The following COQ6 variants were observed in gnomAD, a reference collection of about 807,000 sequenced individuals.
COQ6 encodes ubiquinone biosynthesis monooxygenase COQ6, mitochondrial.
In COQ6, 45 loss-of-function variants were observed where a neutral mutation model predicts 55.5. That is an observed-to-expected ratio of 0.81 (90% CI 0.64 to 1.04). COQ6 has a LOEUF of 1.04. COQ6 is among the 50% of genes least tolerant of loss of function. The pLI is 0.00. For synonymous variants in COQ6, 206 were observed against 230.5 expected (o/e 0.89, Z 0.96); for missense variants, 550 against 601.3 (o/e 0.91, Z 0.89).
Position 73,955,950 on chromosome 14 carries a change from T to G in COQ6, c.481+22T>G, listed in dbSNP as rs774488472. On this transcript the variant is annotated intron_variant, in intron 4 of 11. Transcript: ENST00000334571. ...TCTGGTGAGGCCCCCATCTTCCACC[T>G]TGCATTCATTGGGAAGTGAACTGCT... 5.0e-6 allele frequency: 8 copies of G among 1,613,764 alleles called. No individual in the cohort carries two copies. In the Admixed American group the frequency reaches 1.3e-4, roughly 27 times the overall value.
upstream of COQ6, chr14:73,950,275 G>C: frequency 6.5e-7 from 1 of 1,539,588 alleles, no homozygotes; most frequent in Non-Finnish European, 8.7e-7. Flanking sequence ...CTCTGCTCCG[G>C]ACGCACTACG....
In COQ6 at chr14:73,961,371, A is replaced by G. The variant is rs1398064163; in HGVS notation, c.1090A>G (p.Ile364Val). ...AEYVRPRVAL[I>V]GDAAHRVHPL... ...GTACGTCAGGCCTCGGGTGGCGCTC[A>G]TTGGGTAAGACGATAACAGAGCAGG... Residue 364 changes from isoleucine to valine, a missense_variant, in exon 9 of 12, where the codon ATT becomes GTT. By Grantham distance (29) the Ile-to-Val change is conservative. Transcript: ENST00000334571. 3.1e-6 allele frequency: 5 copies of G among 1,614,148 alleles called. No homozygotes were observed. The highest frequency in any genetic ancestry group is 4.2e-6 in the Non-Finnish European group (5 of 1,180,030).
In COQ6 at chr14:73,958,149, C is replaced by G. The variant is rs189840848; in HGVS notation, c.484C>G (p.Arg162Gly). The G allele has an allele frequency of 2.5e-6, 4 of 1,613,796 alleles. No homozygotes were observed. The highest frequency in any genetic ancestry group is 2.7e-5 in the African/African-American group (2 of 75,000). The change falls in exon 5 of 12, where the codon CGA (arginine) becomes GGA (glycine). Residue 162 changes from arginine to glycine, a missense_variant and splice_region_variant. Coordinates refer to ENST00000334571, the MANE Select transcript of COQ6 (RefSeq NM_182476.3). ...LTKQLEAVSD[R>G]VTVLYRSKAI... Reference sequence around the variant, plus strand: ...TTCCTCTCTTTTGACCTCCCCAGACCGAGTGACGGTTCTCTACAGGAGCAA... The same window carrying G: ...TTCCTCTCTTTTGACCTCCCCAGACGGAGTGACGGTTCTCTACAGGAGCAA...
chr14:73,959,779 A>G lies in COQ6; in HGVS notation c.891+257A>G, dbSNP rs2056625234. 1.0e-5 allele frequency: 12 copies of G among 1,196,934 alleles called. No homozygotes were observed. In the South Asian group the frequency reaches 1.8e-4, roughly 18 times the overall value. 74.1% of individuals were successfully genotyped at this position (1,196,934 alleles called of 1,614,324 possible). A position where few individuals can be genotyped will look rare whatever the true frequency, so the allele number is the denominator to read the frequency against. On this transcript the variant is annotated intron_variant, in intron 8 of 11. Coordinates refer to ENST00000334571, the MANE Select transcript of COQ6 (RefSeq NM_182476.3). ...GAGATGAGGTTTCACCATGTTGGCC[A>G]GGCTGGTCTCAAACTCCTGACCTCA...
intron 11 of COQ6, chr14:73,962,730 T>C (rs2140428625): frequency 5.7e-6 from 3 of 528,106 alleles, no homozygotes; most frequent in East Asian, 3.2e-5. Flanking sequence ...GGAGGGAGGA[T>C]TGCTTGAGCC....
Position 73,959,417 on chromosome 14 carries a change from C to G in COQ6, c.786C>G (p.Leu262=), listed in dbSNP as rs1387819431. ...GTATTGGTGTTCTTTTGACACAGCT[C>G]TCAGACACCTTGAGTTCCTTGGTTT... The part of the protein sequence containing the change: ...LPSGPIALLP[L]SDTLSSLVWS... The change falls in exon 8 of 12, where the codon CTC becomes CTG. Residue 262 remains leucine (L), a splice_region_variant and synonymous_variant. Transcript: ENST00000334571. 1 of 1,614,178 alleles carries G rather than the reference C, an allele frequency of 6.2e-7. No homozygotes were observed. Among genetic ancestry groups the G allele is most frequent in the Admixed American group, 1.7e-5 (1 of 60,020 alleles).
intron 3 of COQ6, 115 bp from the exon 4 acceptor site, chr14:73,955,690 G>T (rs909108511): frequency 6.6e-7 from 1 of 1,521,742 alleles, no homozygotes; most frequent in Non-Finnish European, 9.1e-7. Context: ...TTTCCTACCA[G>T]AGAGGCTGAC....
intron 1 of COQ6, among the ~76,000 whole-genome samples, chr14:73,952,000 A>G (rs866545703): frequency 0.012 from 1,774 of 142,950 alleles, 28 homozygotes; most frequent in African/African-American, 0.042. Flanking sequence ...AAAAAAAAAA[A>G]AAGAAGATAG....
chr14:73,957,887 C>T (rs768931479), intron 4 of COQ6: 17 of 442,832 alleles, frequency 3.8e-5, no homozygotes, highest in Admixed American at 3.4e-5. Context: ...AAAATGGAGG[C>T]GCAGAAGCAT....
At chr14:73,950,210 G>A (rs1367850033), upstream of COQ6, 4 of 1,543,548 alleles carry the variant, frequency 2.6e-6, no homozygotes, top group South Asian at 1.2e-5. Context: ...TATTTTCTCC[G>A]CGCATTTTAT....
chr14:73,961,457 A>G lies in COQ6; in HGVS notation c.1097A>G (p.Asp366Gly). ...CCTGAACTCTGCTTTATTCTTAGGG[A>G]TGCAGCCCACAGAGTCCATCCGCTT... ...YVRPRVALIG[D>G]AAHRVHPLAG... Residue 366 changes from aspartate (D) to glycine (G), a missense_variant and splice_region_variant, in exon 10 of 12, where the codon GAT becomes GGT. Transcript: ENST00000334571. 6.2e-7 allele frequency: 1 copy of G among 1,614,142 alleles called. No homozygotes were observed. The highest frequency in any genetic ancestry group is 8.5e-7 in the Non-Finnish European group (1 of 1,180,038).
chr14:73,950,259 G>A (rs1385768590), upstream of COQ6: 1 of 1,538,706 alleles, frequency 6.5e-7, no homozygotes. Flanking sequence ...GGACGGGATT[G>A]GAGTGCTCTG....
At chr14:73,956,576 C>T (rs1379156396) in intron 4 of COQ6, 1 of 152,754 alleles carries the variant, frequency 6.5e-6, no homozygotes, top group African/African-American at 2.4e-5. Flanking sequence ...AGTTGTATCT[C>T]ATTGTAGTAG....
chr14:73,955,309 G>C (rs1165498936), intron 2 of COQ6, 142 bp from the exon 3 acceptor site: 5 of 741,658 alleles, frequency 6.7e-6, no homozygotes, highest in Non-Finnish European at 1.2e-5. Context: ...GAGTAGCTTA[G>C]GTACTAACAT....
At chr14:73,960,281 T>G in intron 8 of COQ6, 2 of 986,124 alleles carry the variant, frequency 2.0e-6, no homozygotes, top group South Asian at 9.4e-5. Flanking sequence ...GAATAAAGAC[T>G]TTCAAAATGA....
Position 73,958,869 on chromosome 14 carries a change from C to T in COQ6, c.613-102C>T. 3 of 1,557,038 alleles carry T rather than the reference C, an allele frequency of 1.9e-6. No homozygotes were observed. In the South Asian group the frequency reaches 3.5e-5, roughly 18 times the overall value. On this transcript the variant is annotated intron_variant, in intron 5 of 11. Transcript: ENST00000334571. ...CAGGCCTGATGGAATTATCCTGCCA[C>T]ACAACAATCAGAGCTGGAGGAAACT...
chr14:73,955,059 C>T (rs913056651), intron 2 of COQ6, among the ~76,000 whole-genome samples: 1 of 148,874 alleles, frequency 6.7e-6, no homozygotes, highest in East Asian at 2.1e-4. Context: ...TCAGGCCATT[C>T]TCCTGCCTCA....
chr14:73,959,439 GT>G lies in COQ6; in HGVS notation c.811del (p.Trp271GlyfsTer11). The G allele has an allele frequency of 6.2e-7, 1 of 1,614,194 alleles. No individual in the cohort carries two copies. Among genetic ancestry groups the G allele is most frequent in the Non-Finnish European group, 8.5e-7 (1 of 1,180,028 alleles). The part of the protein sequence containing the change: ...LPLSDTLSSL[V>X]WSTSHEHAAE... The stretch of plus-strand genomic sequence containing the variant: ...GCTCTCAGACACCTTGAGTTCCTTG[GT>G]TTGGTCCACGTCCCATGAACATGCA... On this transcript the variant is annotated frameshift_variant, in exon 8 of 12. Coordinates refer to ENST00000334571, the MANE Select transcript of COQ6 (RefSeq NM_182476.3). LOFTEE classifies it high-confidence loss of function.
chr14:73,959,010 G>A lies in COQ6; in HGVS notation c.652G>A (p.Val218Ile). 5 of 1,614,176 alleles carry A rather than the reference G, an allele frequency of 3.1e-6. No individual in the cohort carries two copies. Among genetic ancestry groups the A allele is most frequent in the Non-Finnish European group, 4.2e-6 (5 of 1,180,028 alleles). Residue 218 changes from valine to isoleucine, a missense_variant, in exon 6 of 12, where the codon GTT (valine) becomes ATT (isoleucine). Transcript: ENST00000334571. ...DGHNSGVRQAVGIQNVSWNYD... is the reference protein window; with the variant it reads ...DGHNSGVRQAIGIQNVSWNYD... ...TCACAACTCCGGAGTACGGCAGGCT[G>A]TTGGAATCCAGAATGTGAGCTGGAA...
Sources: gnomAD v4.1 joint callset for allele counts (sites outside exome capture counted in the v4.1 genomes callset) on GRCh38, gnomAD v4.1.1 for gene constraint, MANE v1.5 for transcripts, NCBI Gene and HGNC (gene_info 2026-07-23, HGNC 2026-07-21) for gene names.